Variants in BRAP observed in about 807,000 individuals in gnomAD.
BRAP encodes the protein BRCA1-associated protein.
BRAP carries 42 observed loss-of-function variants against 73.4 expected under a neutral mutation model. The observed-to-expected ratio is 0.57, with a 90% CI of 0.45 to 0.74. The LOEUF (loss-of-function observed/expected upper bound fraction) is 0.74, where lower values mean the gene tolerates loss of function less well. BRAP is among the 30% of genes least tolerant of loss of function. The probability of loss-of-function intolerance (pLI) is 0.00; values close to 1 mark genes in which losing one functional copy is unlikely to be tolerated. For missense variants in BRAP, 593 were observed against 751.4 expected (o/e 0.79, Z 2.46); for synonymous variants, 255 against 267.4 (o/e 0.95, Z 0.45).
chr12:111,655,006 G>A (rs1886471878), intron 10 of BRAP, among the ~76,000 whole-genome samples: 1 of 152,084 alleles, frequency 6.6e-6, no homozygotes, highest in South Asian at 2.1e-4. Flanking sequence ...AGAGCTCTGG[G>A]CCTTCCATCT....
intron 1 of BRAP, among the ~76,000 whole-genome samples, chr12:111,684,349 TG>T: frequency 6.6e-6 from 1 of 152,254 alleles, no homozygotes; most frequent in Non-Finnish European, 1.5e-5. Context: ...TTTTAGCCTT[TG>T]GAAAGGTGCT....
At chr12:111,653,921 C>T (rs922974775) in intron 10 of BRAP, among the ~76,000 whole-genome samples, 1 of 152,218 alleles carries the variant, frequency 6.6e-6, no homozygotes, top group African/African-American at 2.4e-5. Context: ...GACCTAAAAG[C>T]AAACATAAGT....
intron 5 of BRAP, among the ~76,000 whole-genome samples, chr12:111,670,876 G>A (rs779465574): frequency 2.0e-5 from 3 of 151,856 alleles, no homozygotes; most frequent in Admixed American, 6.6e-5. Flanking sequence ...AAAGTGGGCC[G>A]ATCACCTGAG....
Position 111,644,457 on chromosome 12 carries a change from CT to C in BRAP, c.1520del (p.Lys507SerfsTer2). 1 of 1,614,164 alleles carries C rather than the reference CT, an allele frequency of 6.2e-7. No homozygotes were observed. The highest frequency in any genetic ancestry group is 8.5e-7 in the Non-Finnish European group (1 of 1,180,026). ...TCAGCACCCTCTCCTCCTCTTTTAG[CT>C]TGTTCTGCAGGAGGACTTGGTTGGC... is the stretch of plus-strand genomic sequence containing the variant. ...LRANQVLLQNKLKEEERVLKE... is the reference protein window; with the variant it reads ...LRANQVLLQNXLKEEERVLKE... On this transcript the variant is annotated frameshift_variant, in exon 12 of 12. Transcript: ENST00000419234. LOFTEE classifies it high-confidence loss of function.
chr12:111,682,729 T>C lies in BRAP; in HGVS notation c.244+417A>G, dbSNP rs766565418. 5.9e-5 allele frequency among the ~76,000 whole-genome samples: 9 copies of C among 151,966 alleles called. No homozygotes were observed. The South Asian group carries it at 8.3e-4, about 14-fold the overall frequency. On this transcript the variant is annotated intron_variant, in intron 2 of 11. Coordinates refer to ENST00000419234, the MANE Select transcript of BRAP (RefSeq NM_006768.5). ...GAGTATGAGACCAGCCTGGCTAACATGGAGAAACCTTGTCTCTACTGAAAA... is the reference window on the plus strand; with the variant it reads ...GAGTATGAGACCAGCCTGGCTAACACGGAGAAACCTTGTCTCTACTGAAAA...
chr12:111,647,366 G>A (rs1052809231), intron 11 of BRAP, among the ~76,000 whole-genome samples: 2 of 152,128 alleles, frequency 1.3e-5, no homozygotes, highest in African/African-American at 4.8e-5. Flanking sequence ...AGATGTGCTA[G>A]TATGAAAAAA....
Position 111,665,933 on chromosome 12 carries a change from C to T in BRAP, c.748-146G>A. The T allele has an allele frequency of 3.5e-6, 4 of 1,145,888 alleles. No homozygotes were observed. Among genetic ancestry groups the T allele is most frequent in the Non-Finnish European group, 4.9e-6 (4 of 817,130 alleles). The allele number at this position is 1,145,888 out of a possible 1,614,324, so 71.0% of individuals were successfully genotyped here. On this transcript the variant is annotated intron_variant, in intron 5 of 11. Transcript: ENST00000419234. This position sits in a 1 kb window ranked among gnomAD's most constrained non-coding sequence, Gnocchi z 4.3. ...TCATGGCTCATTACAGCCTTGACCT[C>T]CCAGGCTCAAGAGATCTGCCCACCT...
intron 1 of BRAP, among the ~76,000 whole-genome samples, chr12:111,684,663 G>GT (rs796561385): frequency 0.017 from 2,538 of 147,942 alleles, 81 homozygotes; most frequent in African/African-American, 0.058. Flanking sequence ...ATGAGCATAA[G>GT]TTTTTTTTTT....
intron 1 of BRAP, among the ~76,000 whole-genome samples, chr12:111,685,184 G>A (rs1444583920): frequency 6.6e-6 from 1 of 152,162 alleles, no homozygotes; most frequent in Admixed American, 6.5e-5. Flanking sequence ...ATGTGTAAGA[G>A]GTACATGTCA....
chr12:111,666,653 G>A (rs1056632913), intron 5 of BRAP, among the ~76,000 whole-genome samples: 2 of 152,164 alleles, frequency 1.3e-5, no homozygotes, highest in African/African-American at 4.8e-5. Context: ...TGTGAATTAG[G>A]GGGCATGACA....
intron 2 of BRAP, among the ~76,000 whole-genome samples, chr12:111,682,590 G>A (rs1438704765): frequency 6.6e-6 from 1 of 151,296 alleles, no homozygotes; most frequent in Non-Finnish European, 1.5e-5. Context: ...ACACATTAAT[G>A]ATCTGCCACT....
chr12:111,672,916 C>A lies in BRAP; in HGVS notation c.634-142G>T, dbSNP rs140361889. ...GAGAGAGAGCAACCACCAAAAGTCA[C>A]ATCTACTGAAGCTGATTGGTAGGCT... is the stretch of plus-strand genomic sequence containing the variant. On this transcript the variant is annotated intron_variant, in intron 4 of 11. Transcript: ENST00000419234. 3.9e-4 allele frequency: 245 copies of A among 624,020 alleles called. No homozygotes were observed. The African/African-American group carries it at 4.2e-3, about 11-fold the overall frequency. The allele number at this position is 624,020 out of a possible 1,614,324, so 38.7% of individuals were successfully genotyped here.
chr12:111,651,562 A>C (rs1211181510), intron 10 of BRAP, among the ~76,000 whole-genome samples: 1 of 151,950 alleles, frequency 6.6e-6, no homozygotes, highest in African/African-American at 2.4e-5. Flanking sequence ...CAATACAATA[A>C]AAATAAATGT....
rs914855852 is a variant in BRAP, at chr12:111,681,839, T to G, written c.245-4A>C. ...TCCACTGTAGTTTTTAGTTCATCTT[T>G]CACCAGTTAAAAAATAGCAGATTAT... is the stretch of plus-strand genomic sequence containing the variant. On this transcript the variant is annotated splice_polypyrimidine_tract_variant and splice_region_variant and intron_variant, in intron 2 of 11. Transcript: ENST00000419234. 4 of 1,601,486 alleles carry G rather than the reference T, an allele frequency of 2.5e-6. No individual in the cohort carries two copies. In the East Asian group the frequency reaches 8.9e-5, roughly 36 times the overall value.
chr12:111,663,220 G>C (rs1886818611), intron 6 of BRAP, among the ~76,000 whole-genome samples: 1 of 152,176 alleles, frequency 6.6e-6, no homozygotes, highest in Non-Finnish European at 1.5e-5. Context: ...CTGGGAGGCT[G>C]AGGTGAGTGG....
At position 111,658,788 on chromosome 12, in the gene BRAP, T is replaced by A. The variant is rs1431651473; in HGVS notation, c.1169A>T (p.Glu390Val). The A allele has an allele frequency of 6.2e-7, 1 of 1,612,996 alleles. No individual in the cohort carries two copies. Among genetic ancestry groups the A allele is most frequent in the Non-Finnish European group, 8.5e-7 (1 of 1,179,218 alleles). Residue 390 changes from glutamate (E) to valine (V), a missense_variant, in exon 9 of 12, where the codon GAA becomes GTA. Transcript: ENST00000419234. ...SKTDGKIVQY[E>V]CEGDTCQEEK... ...TTCCTGGCAAGTATCCCCCTCACAT[T>A]CATACTGTACTATTTTTCCATCTGT...
chr12:111,679,345 C>CAA lies in BRAP; in HGVS notation c.444-7_444-6dup. ...TCTTTTAAGGAGGTCATCTTACTAA[C>CAA]AAAAAAAAAATTAGAGTGTCTTGAA... On this transcript the variant is annotated splice_region_variant and splice_polypyrimidine_tract_variant and intron_variant, in intron 3 of 11. Coordinates refer to ENST00000419234, the MANE Select transcript of BRAP (RefSeq NM_006768.5). 29 of 1,336,110 alleles carry CAA rather than the reference C, an allele frequency of 2.2e-5. No homozygotes were observed. The highest frequency in any genetic ancestry group is 1.2e-4 in the South Asian group (7 of 60,180). 82.8% of individuals were successfully genotyped at this position (1,336,110 alleles called of 1,614,324 possible). A position where few individuals can be genotyped will look rare whatever the true frequency, so the allele number is the denominator to read the frequency against.
intron 1 of BRAP, 110 bp from the exon 2 acceptor site, chr12:111,683,417 G>T (rs1887680192): frequency 4.7e-6 from 6 of 1,280,630 alleles, no homozygotes; most frequent in Non-Finnish European, 6.5e-6. Context: ...CCGCCAAGAT[G>T]ATAAGAAGCC....
At chr12:111,645,005 T>C (rs148617821) in intron 11 of BRAP, among the ~76,000 whole-genome samples, 2,371 of 152,006 alleles carry the variant, frequency 0.016, 71 homozygotes, top group African/African-American at 0.054. Context: ...GATCCACCTG[T>C]CTCGGCCTTC....
Sources: gnomAD v4.1 joint callset for allele counts (sites outside exome capture counted in the v4.1 genomes callset) on GRCh38, gnomAD v4.1.1 for gene constraint, Gnocchi (gnomAD v3.1) non-coding constraint, MANE v1.5 for transcripts, NCBI Gene and HGNC (gene_info 2026-07-23, HGNC 2026-07-21) for gene names.